The following GHR variants were observed in gnomAD, a reference collection of about 807,000 sequenced individuals.
The protein encoded by GHR is GH receptor.
In GHR, 35 loss-of-function variants were observed where a neutral mutation model predicts 67.1. That is an observed-to-expected ratio of 0.52 (90% confidence interval 0.40 to 0.69). GHR has a LOEUF of 0.69. GHR is among the 30% of genes least tolerant of loss of function. GHR has a pLI of 0.00. For synonymous variants in GHR, 272 were observed against 269.1 expected (o/e 1.01, Z -0.10); for missense variants, 792 against 764.6 (o/e 1.04, Z -0.42).
chr5:42,692,272 A>C (rs189904314), intron 4 of GHR, among the ~76,000 whole-genome samples: 3 of 152,162 alleles, frequency 2.0e-5, no homozygotes. Context: ...CTTTAGATGA[A>C]AAACATTTCT....
At chr5:42,581,782 G>C (rs1254677131) in intron 2 of GHR, among the ~76,000 whole-genome samples, 1 of 152,076 alleles carries the variant, frequency 6.6e-6, no homozygotes, top group East Asian at 1.9e-4. Context: ...CTTCTGAGTT[G>C]GCAGGTCTGA....
chr5:42,588,568 C>A, intron 2 of GHR, among the ~76,000 whole-genome samples: 1 of 139,106 alleles, frequency 7.2e-6, no homozygotes. Flanking sequence ...TATAGTTTTG[C>A]AGTAGAATTT....
At chr5:42,561,768 A>G (rs927064698) in intron 1 of GHR, among the ~76,000 whole-genome samples, 4 of 152,232 alleles carry the variant, frequency 2.6e-5, no homozygotes, top group Non-Finnish European at 5.9e-5. Flanking sequence ...TCTTGCCATG[A>G]GGCTATAGCC....
chr5:42,708,399 A>T (rs1192143922), intron 6 of GHR, among the ~76,000 whole-genome samples: 1 of 152,024 alleles, frequency 6.6e-6, no homozygotes. Context: ...AAACAGTATC[A>T]CTCTTCTCAC....
At chr5:42,691,957 C>G (rs1757441951) in intron 4 of GHR, among the ~76,000 whole-genome samples, 1 of 152,192 alleles carries the variant, frequency 6.6e-6, no homozygotes, top group Non-Finnish European at 1.5e-5. Context: ...CAGCTCCTTG[C>G]ATGTAAATGC....
At position 42,563,624 on chromosome 5, in the gene GHR, CAAAAAAAAAAAAA is replaced by C. The variant is rs1168788232; in HGVS notation, c.-11-2226_-11-2214del. On this transcript the variant is annotated intron_variant, in intron 1 of 9. Coordinates refer to ENST00000230882, the MANE Select transcript of GHR (RefSeq NM_000163.5). ...TGGGCGACAGAGCGAGACTCCGTCT[CAAAAAAAAAAAAA>C]AAAAAAAAAAAAATACAAAAATTAG... 7.1e-4 allele frequency among the ~76,000 whole-genome samples: 32 copies of C among 45,096 alleles called. 2 individuals are homozygous for C. Among genetic ancestry groups the C allele is most frequent in the African/African-American group, 2.5e-3 (29 of 11,722 alleles). 29.6% of individuals were successfully genotyped at this position (45,096 alleles called of 152,430 possible). A position where few individuals can be genotyped will look rare whatever the true frequency, so the allele number is the denominator to read the frequency against.
chr5:42,621,965 C>T (rs1401686192), intron 2 of GHR, among the ~76,000 whole-genome samples: 1 of 152,124 alleles, frequency 6.6e-6, no homozygotes, highest in African/African-American at 2.4e-5. Flanking sequence ...CGAGATAATA[C>T]ACTTTGGTTC....
chr5:42,502,792 T>A (rs1360127458), intron 1 of GHR, among the ~76,000 whole-genome samples: 1 of 148,148 alleles, frequency 6.8e-6, no homozygotes, highest in East Asian at 1.9e-4. Context: ...ATATTTAAAA[T>A]ATATTTTATT....
In GHR at chr5:42,679,496, G is replaced by A. The variant is rs369219992; in HGVS notation, c.137-9394G>A. On this transcript the variant is annotated intron_variant, in intron 3 of 9. Transcript: ENST00000230882. ...AAAAATTAGCTGGGCACGGTGGCAC[G>A]CACCTGTAGTCCCAGCTATGCAGGA... Among the ~76,000 whole-genome samples, 77 of 151,932 alleles carry A rather than the reference G, an allele frequency of 5.1e-4. 2 individuals are homozygous for A. In the South Asian group the frequency reaches 0.01, roughly 20 times the overall value.
chr5:42,642,881 T>A (rs1276666505), intron 3 of GHR, among the ~76,000 whole-genome samples: 17 of 152,174 alleles, frequency 1.1e-4, no homozygotes, highest in Admixed American at 1.1e-3. Flanking sequence ...GTTCTTTGAT[T>A]TGCAGAAACA....
chr5:42,719,474 TG>T lies in GHR; in HGVS notation c.*54del. 1 of 1,564,636 alleles carries T rather than the reference TG, an allele frequency of 6.4e-7. No homozygotes were observed. On this transcript the variant is annotated 3_prime_UTR_variant, in exon 10 of 10. Coordinates refer to ENST00000230882, the MANE Select transcript of GHR (RefSeq NM_000163.5). ...ACGTATTTAATAGCAAAGAATTGAC[TG>T]GGGCAATAACGTTTAAGCCAAAACA...
chr5:42,710,046 T>C (rs551354956), intron 6 of GHR, among the ~76,000 whole-genome samples: 3 of 148,814 alleles, frequency 2.0e-5, no homozygotes, highest in Non-Finnish European at 4.5e-5. Context: ...ACATAGGCTT[T>C]AAAAAAAAAA....
chr5:42,596,325 GTAAA>G (rs1752070477), intron 2 of GHR, among the ~76,000 whole-genome samples: 1 of 151,844 alleles, frequency 6.6e-6, no homozygotes, highest in Non-Finnish European at 1.5e-5. Context: ...AAACAGGCAA[GTAAA>G]TAAAGTAAAA....
intron 1 of GHR, among the ~76,000 whole-genome samples, chr5:42,564,441 T>C (rs1247722941): frequency 6.6e-6 from 1 of 152,164 alleles, no homozygotes; most frequent in African/African-American, 2.4e-5. Context: ...TCTGCATGTT[T>C]ACACTCAATC....
At chr5:42,593,237 A>C (rs1299921901) in intron 2 of GHR, among the ~76,000 whole-genome samples, 1 of 152,202 alleles carries the variant, frequency 6.6e-6, no homozygotes, top group Non-Finnish European at 1.5e-5. Flanking sequence ...ATAAATCTAT[A>C]TTGCATCTAA....
intron 2 of GHR, among the ~76,000 whole-genome samples, chr5:42,574,968 T>C (rs553118568): frequency 9.2e-5 from 14 of 152,328 alleles, no homozygotes; most frequent in Middle Eastern, 3.4e-3. Context: ...ATAAATACTA[T>C]ATAAATTACT....
At chr5:42,659,637 C>T (rs1299266699) in intron 3 of GHR, among the ~76,000 whole-genome samples, 1 of 152,164 alleles carries the variant, frequency 6.6e-6, no homozygotes, top group African/African-American at 2.4e-5. Flanking sequence ...TCTTCGATGG[C>T]CAAATAGGAA....
chr5:42,546,636 G>T (rs183521630), intron 1 of GHR, among the ~76,000 whole-genome samples: 2 of 152,306 alleles, frequency 1.3e-5, no homozygotes, highest in Middle Eastern at 3.4e-3. Flanking sequence ...ATGGATTGTG[G>T]TATTAATTCC....
At chr5:42,618,142 G>A (rs1369093817) in intron 2 of GHR, among the ~76,000 whole-genome samples, 1 of 152,108 alleles carries the variant, frequency 6.6e-6, no homozygotes, top group Non-Finnish European at 1.5e-5. Context: ...TTACTGCCCA[G>A]GGACATGTCT....
Sources: gnomAD v4.1 joint callset for allele counts (sites outside exome capture counted in the v4.1 genomes callset) on GRCh38, gnomAD v4.1.1 for gene constraint, MANE v1.5 for transcripts, NCBI Gene and HGNC (gene_info 2026-07-23, HGNC 2026-07-21) for gene names.